ADGRB3: variants seen among roughly 807,000 people sequenced by gnomAD.
The protein encoded by ADGRB3 is adhesion G protein-coupled receptor B3.
ADGRB3 carries 37 observed loss-of-function variants against 193.4 expected under a neutral mutation model. The observed-to-expected ratio is 0.19, with a 90% CI of 0.15 to 0.25. The LOEUF is 0.25. Among genes scored for constraint, ADGRB3 ranks in the 10% least tolerant of loss-of-function variants. The pLI is 1.00. For missense variants in ADGRB3, 1,637 were observed against 1,852.9 expected (o/e 0.88, Z 2.14); for synonymous variants, 690 against 644.2 (o/e 1.07, Z -1.08).
At chr6:69,248,699 G>T (rs571652654) in intron 20 of ADGRB3, among the ~76,000 whole-genome samples, 1 of 152,342 alleles carries the variant, frequency 6.6e-6, no homozygotes, top group South Asian at 2.1e-4. Flanking sequence ...TAGAAATAAA[G>T]CAATGGATGT....
chr6:69,139,296 A>C (rs1774244028), intron 17 of ADGRB3, among the ~76,000 whole-genome samples: 1 of 152,160 alleles, frequency 6.6e-6, no homozygotes, highest in Non-Finnish European at 1.5e-5. Flanking sequence ...CATGCACTTA[A>C]ATGCCAATAA....
intron 16 of ADGRB3, among the ~76,000 whole-genome samples, chr6:69,069,776 T>C (rs1772024752): frequency 6.8e-6 from 1 of 147,518 alleles, no homozygotes; most frequent in Admixed American, 6.8e-5. Context: ...AAAAAATTTA[T>C]GAACAAAATA....
At chr6:69,025,268 A>G (rs1562126521) in intron 13 of ADGRB3, among the ~76,000 whole-genome samples, 1 of 152,104 alleles carries the variant, frequency 6.6e-6, no homozygotes, top group Non-Finnish European at 1.5e-5. Context: ...CACCAAACCT[A>G]TGTTCTTTCT....
At position 68,637,567 on chromosome 6, in the gene ADGRB3, A is replaced by G. The variant is rs942246777; in HGVS notation, c.-16+5A>G. The G allele has an allele frequency of 2.0e-5, 3 of 152,680 alleles. No homozygotes were observed. The South Asian group carries it at 6.2e-4, about 32-fold the overall frequency. The allele number at this position is 152,680 out of a possible 1,614,324, so 9.5% of individuals were successfully genotyped here. ...TTTGGATAACAACTTACAGAGGTAA[A>G]TATAACCAAGGACTACTTTATTATC... is the stretch of plus-strand genomic sequence containing the variant. On this transcript the variant is annotated splice_donor_5th_base_variant and intron_variant, in intron 2 of 31. Coordinates refer to ENST00000370598, the MANE Select transcript of ADGRB3 (RefSeq NM_001704.3).
chr6:68,826,212 C>T (rs949482341), intron 3 of ADGRB3, among the ~76,000 whole-genome samples: 2 of 151,896 alleles, frequency 1.3e-5, no homozygotes, highest in Non-Finnish European at 2.9e-5. Flanking sequence ...ATTTAGTATA[C>T]CAAATGGGAA....
chr6:68,907,463 T>C (rs1364809913), intron 3 of ADGRB3, among the ~76,000 whole-genome samples: 2 of 151,954 alleles, frequency 1.3e-5, no homozygotes, highest in East Asian at 3.9e-4. Flanking sequence ...TTTGTACTTT[T>C]TACTTCTGAG....
intron 17 of ADGRB3, among the ~76,000 whole-genome samples, chr6:69,146,896 G>A (rs1774517306): frequency 9.8e-6 from 1 of 101,906 alleles, no homozygotes; most frequent in Non-Finnish European, 1.9e-5. Flanking sequence ...AATTGTATAT[G>A]TCTAGGAATT....
At chr6:69,193,589 A>G (rs1020836329) in intron 17 of ADGRB3, among the ~76,000 whole-genome samples, 1 of 152,102 alleles carries the variant, frequency 6.6e-6, no homozygotes, top group African/African-American at 2.4e-5. Flanking sequence ...ATAACACCAT[A>G]TTAAATAACA....
chr6:68,839,355 C>T (rs960548778), intron 3 of ADGRB3, among the ~76,000 whole-genome samples: 18 of 152,178 alleles, frequency 1.2e-4, no homozygotes, highest in African/African-American at 4.1e-4. Context: ...CTTCAAAATA[C>T]ATAGCTTCTC....
At chr6:69,339,201 T>C in intron 25 of ADGRB3, 132 bp from the exon 26 acceptor site, 1 of 1,211,964 alleles carries the variant, frequency 8.3e-7, no homozygotes, top group Non-Finnish European at 1.2e-6. Flanking sequence ...GACTCTCAAA[T>C]GTCATCTGCT....
chr6:69,368,696 GA>G (rs1485801288), intron 29 of ADGRB3, among the ~76,000 whole-genome samples: 2 of 151,398 alleles, frequency 1.3e-5, no homozygotes, highest in Admixed American at 1.3e-4. Context: ...CAGCAAGAAA[GA>G]GGGGGAAAAA....
Position 69,075,432 on chromosome 6 carries a change from G to A in ADGRB3, c.2437-563G>A, listed in dbSNP as rs189645712. 2.4e-4 allele frequency among the ~76,000 whole-genome samples: 37 copies of A among 152,196 alleles called. 2 individuals are homozygous for A. Among genetic ancestry groups the A allele is most frequent in the Admixed American group, 9.8e-4 (15 of 15,280 alleles). ...ATTATTGAAGTAAATTTAAAATCTA[G>A]CATTTTCACTTAAAATTTCATTAGA... On this transcript the variant is annotated intron_variant, in intron 16 of 31. Transcript: ENST00000370598.
chr6:69,361,943 T>C lies in ADGRB3; in HGVS notation c.4239+431T>C, dbSNP rs1769464374. 2.0e-5 allele frequency among the ~76,000 whole-genome samples: 3 copies of C among 151,968 alleles called. No individual in the cohort carries two copies. The South Asian group carries it at 6.2e-4, about 31-fold the overall frequency. ...AACTTAAACTGAGATCTGCACTTTC[T>C]GTGTAACAGCAACTGTTAAAAATTA... On this transcript the variant is annotated intron_variant, in intron 29 of 31. Transcript: ENST00000370598.
intron 3 of ADGRB3, among the ~76,000 whole-genome samples, chr6:68,672,152 T>C (rs1768979410): frequency 6.6e-6 from 1 of 151,826 alleles, no homozygotes; most frequent in Non-Finnish European, 1.5e-5. Context: ...TCCTCTCTCT[T>C]TTTTTTTCTT....
At chr6:69,170,667 C>T (rs558753156) in intron 17 of ADGRB3, among the ~76,000 whole-genome samples, 9 of 152,026 alleles carry the variant, frequency 5.9e-5, no homozygotes, top group African/African-American at 1.2e-4. Context: ...TGTTCTCTGC[C>T]GTAAAACTGC....
intron 3 of ADGRB3, among the ~76,000 whole-genome samples, chr6:68,825,990 A>ATTT (rs111470081): frequency 3.4e-5 from 5 of 145,376 alleles, no homozygotes; most frequent in African/African-American, 1.3e-4. Flanking sequence ...TTTCCTCCCC[A>ATTT]TTTTTTTTTT....
Position 68,638,979 on chromosome 6 carries a change from T to C in ADGRB3, c.304T>C (p.Leu102=). 6.2e-7 allele frequency: 1 copy of C among 1,613,930 alleles called. No homozygotes were observed. The highest frequency in any genetic ancestry group is 8.5e-7 in the Non-Finnish European group (1 of 1,179,964). Reference sequence around the variant, plus strand: ...TTCCCATGAAAAAATAAAGGATCTTTTAAGAAAGAATCATTCTATAATGCA... The same window carrying C: ...TTCCCATGAAAAAATAAAGGATCTTCTAAGAAAGAATCATTCTATAATGCA... ...HFSHEKIKDL[L]RKNHSIMQLC... is the part of the protein sequence containing the mutation. Residue 102 remains leucine (L), a synonymous_variant, in exon 3 of 32, where the codon TTA becomes CTA. Coordinates refer to ENST00000370598, the MANE Select transcript of ADGRB3 (RefSeq NM_001704.3).
At chr6:69,194,708 G>GTAT (rs900990449) in intron 17 of ADGRB3, among the ~76,000 whole-genome samples, 1 of 152,030 alleles carries the variant, frequency 6.6e-6, no homozygotes, top group African/African-American at 2.4e-5. Flanking sequence ...ATAAACAAAC[G>GTAT]TATTATTATT....
At chr6:69,081,728 G>T (rs71557606) in intron 17 of ADGRB3, among the ~76,000 whole-genome samples, 2,689 of 151,982 alleles carry the variant, frequency 0.018, 32 homozygotes, top group Non-Finnish European at 0.025. Flanking sequence ...TAGATTTTAT[G>T]ATTTTAAATC....
Sources: gnomAD v4.1 joint callset for allele counts (sites outside exome capture counted in the v4.1 genomes callset) on GRCh38, gnomAD v4.1.1 for gene constraint, MANE v1.5 for transcripts, NCBI Gene and HGNC (gene_info 2026-07-23, HGNC 2026-07-21) for gene names.